The following PARD3 variants were observed in gnomAD, a reference collection of about 807,000 sequenced individuals.
PARD3 encodes partitioning defective 3 homolog.
PARD3 carries 75 observed loss-of-function variants against 155.4 expected under a neutral mutation model. The ratio of observed to expected loss-of-function variants is 0.48; its 90% CI spans 0.40 to 0.58. PARD3 has a LOEUF of 0.58. Ranked by LOEUF, PARD3 falls within the 20% of genes least tolerant of loss-of-function variation. The pLI is 0.00. For missense variants in PARD3, 1,642 were observed against 1,721.7 expected (o/e 0.95, Z 0.82); for synonymous variants, 576 against 610.5 (o/e 0.94, Z 0.83).
chr10:34,395,469 T>C (rs1843226451), intron 7 of PARD3, among the ~76,000 whole-genome samples: 1 of 152,166 alleles, frequency 6.6e-6, no homozygotes, highest in Non-Finnish European at 1.5e-5. Context: ...ACCAAAGTAA[T>C]GAAACCGTGA....
In PARD3 at chr10:34,246,692, C is replaced by T. The variant is rs146523971; in HGVS notation, c.3419+22965G>A. 2.8e-3 allele frequency among the ~76,000 whole-genome samples: 417 copies of T among 149,282 alleles called. 1 individual carries two copies. Among genetic ancestry groups the T allele is most frequent in the African/African-American group, 0.01 (394 of 38,856 alleles). ...TTTTGTGAAAAGAATAAATACCAGG[C>T]GGCCGTAAGATGAACAACTGTGGGC... is the stretch of plus-strand genomic sequence containing the variant. On this transcript the variant is annotated intron_variant, in intron 22 of 24. Transcript: ENST00000374788.
intron 2 of PARD3, among the ~76,000 whole-genome samples, chr10:34,622,913 G>A (rs1290370933): frequency 1.3e-5 from 2 of 149,574 alleles, no homozygotes; most frequent in Non-Finnish European, 3.0e-5. Context: ...ACTATGAAGA[G>A]TGTAAAGTGG....
At chr10:34,719,969 C>G (rs902151271) in intron 1 of PARD3, among the ~76,000 whole-genome samples, 1 of 152,136 alleles carries the variant, frequency 6.6e-6, no homozygotes, top group Non-Finnish European at 1.5e-5. Flanking sequence ...AGGCCTGTCC[C>G]ACAGTCATCT....
intron 3 of PARD3, among the ~76,000 whole-genome samples, chr10:34,501,643 A>T (rs2080716079): frequency 6.6e-6 from 1 of 152,154 alleles, no homozygotes; most frequent in African/African-American, 2.4e-5. Context: ...AAGACGATGT[A>T]TTTGTAAAGT....
At position 34,565,403 on chromosome 10, in the gene PARD3, G is replaced by A. The variant is rs140242468; in HGVS notation, c.223-48244C>T. On this transcript the variant is annotated intron_variant, in intron 2 of 24. Transcript: ENST00000374788. ...TTGCCTTGGCCTCTCGAGTAGCTGG[G>A]ATTACAGGCGTGAGATACCACAACC... is the stretch of plus-strand genomic sequence containing the variant. 3.2e-3 allele frequency among the ~76,000 whole-genome samples: 486 copies of A among 151,182 alleles called. 4 individuals carry two copies. Among genetic ancestry groups the A allele is most frequent in the African/African-American group, 0.011 (469 of 41,166 alleles).
At chr10:34,483,288 C>T (rs1048240697) in intron 3 of PARD3, among the ~76,000 whole-genome samples, 2 of 152,064 alleles carry the variant, frequency 1.3e-5, no homozygotes, top group African/African-American at 2.4e-5. Context: ...TTGAGACCTG[C>T]CTAGGCAACA....
At chr10:34,518,961 A>T (rs890976787) in intron 2 of PARD3, among the ~76,000 whole-genome samples, 1 of 152,224 alleles carries the variant, frequency 6.6e-6, no homozygotes, top group Non-Finnish European at 1.5e-5. Context: ...ATCAAGTACC[A>T]TCTGATAAAA....
At chr10:34,257,671 C>T (rs1954729914) in intron 22 of PARD3, among the ~76,000 whole-genome samples, 2 of 152,188 alleles carry the variant, frequency 1.3e-5, no homozygotes, top group South Asian at 4.1e-4. Context: ...TCATTTATCC[C>T]CACATTTCTG....
chr10:34,754,981 T>C (rs1243796679), intron 1 of PARD3, among the ~76,000 whole-genome samples: 1 of 152,152 alleles, frequency 6.6e-6, no homozygotes, highest in Non-Finnish European at 1.5e-5. Flanking sequence ...CCTTAAAGCT[T>C]ATGAGCAAAT....
At chr10:34,519,691 G>A (rs2082006418) in intron 2 of PARD3, among the ~76,000 whole-genome samples, 1 of 152,038 alleles carries the variant, frequency 6.6e-6, no homozygotes, top group Non-Finnish European at 1.5e-5. Flanking sequence ...GCACGCTTCT[G>A]TAATCCCAGC....
At chr10:34,250,308 A>G (rs182254730) in intron 22 of PARD3, among the ~76,000 whole-genome samples, 20 of 152,346 alleles carry the variant, frequency 1.3e-4, no homozygotes, top group Non-Finnish European at 2.2e-4. Context: ...GAACGAGAAA[A>G]AGAGAGAAAG....
intron 1 of PARD3, among the ~76,000 whole-genome samples, chr10:34,771,595 T>C (rs888776746): frequency 4.6e-5 from 7 of 152,234 alleles, no homozygotes; most frequent in African/African-American, 1.7e-4. Flanking sequence ...CCCGACCTAG[T>C]CTTACAAAAT....
chr10:34,258,051 C>G (rs532607481), intron 22 of PARD3, among the ~76,000 whole-genome samples: 1 of 152,286 alleles, frequency 6.6e-6, no homozygotes, highest in Admixed American at 6.5e-5. Context: ...TCCTTTTAAA[C>G]TGATCCTATA....
In PARD3 at chr10:34,228,168, CAA is replaced by C. The variant is rs1192793096; in HGVS notation, c.3419+41487_3419+41488del. 2.0e-5 allele frequency among the ~76,000 whole-genome samples: 3 copies of C among 151,690 alleles called. No individual in the cohort carries two copies. In the East Asian group the frequency reaches 5.8e-4, roughly 29 times the overall value. On this transcript the variant is annotated intron_variant, in intron 22 of 24. Coordinates refer to ENST00000374788, the MANE Select transcript of PARD3 (RefSeq NM_001184785.2). ...GGAAATGAATGTGGGAACAGAAAATCAAATACTGTACGTTCTCAATTATAAGT... is the reference window on the plus strand; with the variant it reads ...GGAAATGAATGTGGGAACAGAAAATCATACTGTACGTTCTCAATTATAAGT...
intron 22 of PARD3, among the ~76,000 whole-genome samples, chr10:34,185,770 G>A (rs948253974): frequency 1.3e-5 from 2 of 150,636 alleles, no homozygotes; most frequent in Admixed American, 1.3e-4. Context: ...CCCTGAGTAG[G>A]CAGCCAGGTA....
At chr10:34,723,829 T>C (rs2094650331) in intron 1 of PARD3, among the ~76,000 whole-genome samples, 1 of 152,120 alleles carries the variant, frequency 6.6e-6, no homozygotes, top group South Asian at 2.1e-4. Flanking sequence ...GGACCAGGGA[T>C]GGGGGCACTT....
At chr10:34,527,891 A>G (rs2082586758) in intron 2 of PARD3, among the ~76,000 whole-genome samples, 2 of 152,198 alleles carry the variant, frequency 1.3e-5, no homozygotes, top group South Asian at 4.1e-4. Context: ...AACACCTTCT[A>G]CAAAGGAGAG....
At chr10:34,431,046 G>T (rs940260642) in intron 5 of PARD3, among the ~76,000 whole-genome samples, 2 of 152,062 alleles carry the variant, frequency 1.3e-5, no homozygotes, top group African/African-American at 4.8e-5. Context: ...TTCTTTTTTG[G>T]ATATCAGTTT....
intron 24 of PARD3, 52 bp downstream of exon 24, chr10:34,119,561 G>T: frequency 6.5e-7 from 1 of 1,534,462 alleles, no homozygotes; most frequent in Non-Finnish European, 8.8e-7. Flanking sequence ...TAAAGGGCGG[G>T]GGATCTTAAA....
Sources: allele counts gnomAD v4.1 joint callset (sites outside exome capture counted in the v4.1 genomes callset), GRCh38; gene constraint gnomAD v4.1.1; transcripts MANE v1.5; gene names NCBI Gene and HGNC (gene_info 2026-07-23, HGNC 2026-07-21).